The following RCOR3 variants were observed in gnomAD, a reference collection of about 807,000 sequenced individuals.
RCOR3 encodes the protein REST corepressor 3.
In RCOR3, 13 loss-of-function variants were observed where a neutral mutation model predicts 64.1. The ratio of observed to expected loss-of-function variants is 0.20; its 90% CI spans 0.13 to 0.32. The LOEUF (loss-of-function observed/expected upper bound fraction) is 0.32, where lower values mean the gene tolerates loss of function less well. Ranked by LOEUF, RCOR3 falls within the 10% of genes least tolerant of loss-of-function variation. The probability of loss-of-function intolerance (pLI) is 1.00; values close to 1 mark genes in which losing one functional copy is unlikely to be tolerated. For synonymous variants in RCOR3, 215 were observed against 239.0 expected, an observed-to-expected ratio of 0.90 and a Z score of 0.93; for missense variants, 489 against 701.2, an observed-to-expected ratio of 0.70 and a Z score of 3.42.
rs1220779144 is a variant in RCOR3, at chr1:211,312,779, G to A, written c.1135G>A (p.Val379Ile). 1 of 1,614,108 alleles carries A rather than the reference G, an allele frequency of 6.2e-7. No homozygotes were observed. The highest frequency in any genetic ancestry group is 8.5e-7 in the Non-Finnish European group (1 of 1,180,046). Residue 379 changes from valine (V) to isoleucine (I), a missense_variant, in exon 11 of 12, where the codon GTT (valine) becomes ATT (isoleucine). Val to Ile is a conservative substitution (Grantham distance 29). Coordinates refer to ENST00000419091, the MANE Select transcript of RCOR3 (RefSeq NM_001136223.3). The surrounding 1 kb of genome is among the most constrained non-coding windows in gnomAD (Gnocchi z 5.0). ...TGCAGATGTAATTGGCAACAAGACT[G>A]TTGGCCAAGTGAAGAACTTCTTTGT... ...AIADVIGNKT[V>I]GQVKNFFVNY...
intron 9 of RCOR3, among the ~76,000 whole-genome samples, chr1:211,300,333 G>A (rs1700251915): frequency 6.6e-6 from 1 of 151,986 alleles, no homozygotes; most frequent in Admixed American, 6.6e-5. Context: ...GCCTCCCAAA[G>A]TGCTAGGATT....
intron 7 of RCOR3, among the ~76,000 whole-genome samples, chr1:211,279,668 T>A (rs1191164654): frequency 6.6e-6 from 1 of 152,222 alleles, no homozygotes; most frequent in Non-Finnish European, 1.5e-5. Context: ...TCTTCTACTG[T>A]AATTTTGTGT....
At position 211,276,323 on chromosome 1, in the gene RCOR3, A is replaced by G; in HGVS notation, c.421A>G (p.Thr141Ala). ...EKSLADLPNF[T>A]PFPDEWTVED... is the part of the protein sequence containing the mutation. ...GTCCCTTGCTGATCTCCCTAATTTCACTCCCTTTCCGGATGAGTGGACAGT... is the reference window on the plus strand; with the variant it reads ...GTCCCTTGCTGATCTCCCTAATTTCGCTCCCTTTCCGGATGAGTGGACAGT... Residue 141 changes from threonine to alanine, a missense_variant, in exon 5 of 12, where the codon ACT becomes GCT. By Grantham distance (58) the Thr-to-Ala change is moderately conservative. This residue lies in a region of RCOR3 where 402 missense variants were observed against 617.0 expected (regional missense o/e 0.65). Transcript: ENST00000419091. 1 of 1,613,768 alleles carries G rather than the reference A, an allele frequency of 6.2e-7. No homozygotes were observed. Among genetic ancestry groups the G allele is most frequent in the Middle Eastern group, 1.7e-4 (1 of 6,060 alleles).
chr1:211,301,031 G>A (rs1171490066), intron 9 of RCOR3, among the ~76,000 whole-genome samples: 1 of 152,046 alleles, frequency 6.6e-6, no homozygotes, highest in African/African-American at 2.4e-5. Context: ...CTGTGTGGGT[G>A]TGTTGACAGA....
chr1:211,304,211 T>TCTTCC, intron 10 of RCOR3, 71 bp downstream of exon 10: 1 of 1,099,354 alleles, frequency 9.1e-7, no homozygotes, highest in South Asian at 1.7e-5. Context: ...CTACTCTAGT[T>TCTTCC]CTTCCCTTCC....
chr1:211,263,414 G>T (rs1241280337), intron 2 of RCOR3, among the ~76,000 whole-genome samples: 1 of 130,192 alleles, frequency 7.7e-6, no homozygotes, highest in Non-Finnish European at 1.6e-5. Flanking sequence ...TAAAGTCATT[G>T]AAGTCATATT....
intron 8 of RCOR3, chr1:211,291,579 A>G (rs1201510664): frequency 4.4e-6 from 2 of 456,240 alleles, no homozygotes; most frequent in Non-Finnish European, 8.8e-6. Flanking sequence ...TGGGAGGACT[A>G]CTATATTCTG....
Position 211,295,651 on chromosome 1 carries a change from C to T in RCOR3, c.940-25C>T, listed in dbSNP as rs767396259. 4 of 1,602,240 alleles carry T rather than the reference C, an allele frequency of 2.5e-6. No individual in the cohort carries two copies. The South Asian group carries it at 4.4e-5, about 18-fold the overall frequency. On this transcript the variant is annotated intron_variant, in intron 8 of 11. Transcript: ENST00000419091. ...ATTTACCTAAGTACGCGATCTGATTCACATTTGGGGTTATTTTGTTGAAGG... is the reference window on the plus strand; with the variant it reads ...ATTTACCTAAGTACGCGATCTGATTTACATTTGGGGTTATTTTGTTGAAGG...
rs1376949730 is a variant in RCOR3, at chr1:211,313,776, A to T, written c.*8A>T. On this transcript the variant is annotated 3_prime_UTR_variant, in exon 12 of 12. Transcript: ENST00000419091. The surrounding 1 kb of genome is among the most constrained non-coding windows in gnomAD (Gnocchi z 4.7). Reference sequence around the variant, plus strand: ...CAGTCCTCACTGCACTAAAAATTAAATTGGACACAGCTGCAGTAACTTTTC... The same window carrying T: ...CAGTCCTCACTGCACTAAAAATTAATTTGGACACAGCTGCAGTAACTTTTC... 6.2e-7 allele frequency: 1 copy of T among 1,607,564 alleles called. No homozygotes were observed. The highest frequency in any genetic ancestry group is 8.5e-7 in the Non-Finnish European group (1 of 1,174,390).
intron 10 of RCOR3, among the ~76,000 whole-genome samples, chr1:211,307,363 C>T (rs926927712): frequency 6.6e-6 from 1 of 151,884 alleles, no homozygotes; most frequent in African/African-American, 2.4e-5. Flanking sequence ...GTGGTGCACA[C>T]GTGTAGTCCC....
At chr1:211,276,798 C>T (rs950987789) in intron 5 of RCOR3, among the ~76,000 whole-genome samples, 13 of 151,724 alleles carry the variant, frequency 8.6e-5, no homozygotes, top group Non-Finnish European at 1.3e-4. Context: ...TTAAAAAATC[C>T]CATATTAGGC....
At position 211,313,285 on chromosome 1, in the gene RCOR3, G is replaced by A. The variant is rs1378883895; in HGVS notation, c.1318-139G>A. 2 of 1,437,648 alleles carry A rather than the reference G, an allele frequency of 1.4e-6. No individual in the cohort carries two copies. Among genetic ancestry groups the A allele is most frequent in the African/African-American group, 2.9e-5 (2 of 69,702 alleles). 89.1% of individuals were successfully genotyped at this position (1,437,648 alleles called of 1,614,324 possible). ...GTTTTGTTTAAAATAAAAGAAGCTTGTGCTTCCAATAAACACTGGTGTTAT... is the reference window on the plus strand; with the variant it reads ...GTTTTGTTTAAAATAAAAGAAGCTTATGCTTCCAATAAACACTGGTGTTAT... On this transcript the variant is annotated intron_variant, in intron 11 of 11. Transcript: ENST00000419091. This position sits in a 1 kb window ranked among gnomAD's most constrained non-coding sequence, Gnocchi z 4.7.
chr1:211,300,425 G>A (rs1320260185), intron 9 of RCOR3, among the ~76,000 whole-genome samples: 1 of 152,064 alleles, frequency 6.6e-6, no homozygotes, highest in East Asian at 1.9e-4. Context: ...TGGCACTGAT[G>A]ACCACATTCC....
intron 10 of RCOR3, among the ~76,000 whole-genome samples, chr1:211,308,673 G>GTTTTT (rs545513442): frequency 4.7e-4 from 19 of 40,456 alleles, no homozygotes; most frequent in East Asian, 8.5e-4. Flanking sequence ...TTTTTTTTTT[G>GTTTTT]TTTTTTTTTT....
intron 2 of RCOR3, chr1:211,260,913 A>C (rs531512665): frequency 6.6e-6 from 1 of 152,212 alleles, no homozygotes; most frequent in East Asian, 1.9e-4. Flanking sequence ...CTCCCTGTCT[A>C]CTTTTCTCCA....
In RCOR3 at chr1:211,275,521, A is replaced by G. The variant is rs186823608; in HGVS notation, c.355-736A>G. On this transcript the variant is annotated intron_variant, in intron 4 of 11. Transcript: ENST00000419091. The stretch of plus-strand genomic sequence containing the variant: ...CAAACTCACTATTTATAAAGTTCCT[A>G]TATCTCTTGGAAAATAAAAGTTTGT... Among the ~76,000 whole-genome samples, 82 of 152,258 alleles carry G rather than the reference A, an allele frequency of 5.4e-4. No individual in the cohort carries two copies. The East Asian group carries it at 0.013, about 24-fold the overall frequency.
chr1:211,286,933 C>T (rs1344414503), intron 7 of RCOR3, among the ~76,000 whole-genome samples: 1 of 152,122 alleles, frequency 6.6e-6, no homozygotes, highest in Non-Finnish European at 1.5e-5. Flanking sequence ...GCAGTATATC[C>T]TTTAGAAGCC....
intron 7 of RCOR3, among the ~76,000 whole-genome samples, chr1:211,285,981 C>T (rs1698466901): frequency 6.6e-6 from 1 of 152,126 alleles, no homozygotes; most frequent in South Asian, 2.1e-4. Flanking sequence ...GTTGATAGCT[C>T]CACCATTTTT....
intron 9 of RCOR3, among the ~76,000 whole-genome samples, chr1:211,297,413 ACT>A (rs1699954275): frequency 6.6e-6 from 1 of 152,076 alleles, no homozygotes; most frequent in South Asian, 2.1e-4. Flanking sequence ...AAATAATGAA[ACT>A]CTGGCTATAG....
Sources: gnomAD v4.1 joint callset for allele counts (sites outside exome capture counted in the v4.1 genomes callset) on GRCh38, gnomAD v4.1.1 for gene constraint, gnomAD v4.1.1 regional missense constraint, Gnocchi (gnomAD v3.1) non-coding constraint, MANE v1.5 for transcripts, NCBI Gene and HGNC (gene_info 2026-07-23, HGNC 2026-07-21) for gene names.